Variants in GRM7 observed in about 807,000 individuals in gnomAD.
GRM7 encodes the protein glutamate metabotropic receptor 7, also known as metabotropic glutamate receptor 7.
In GRM7, 35 loss-of-function variants were observed where a neutral mutation model predicts 84.5. The observed-to-expected ratio is 0.41, with a 90% CI of 0.32 to 0.55. GRM7 has a LOEUF of 0.55. GRM7 is among the 20% of genes least tolerant of loss of function. The pLI is 0.19. For missense variants in GRM7, 1,003 were observed against 1,194.6 expected, an observed-to-expected ratio of 0.84 and a Z score of 2.36; for synonymous variants, 487 against 455.1, an observed-to-expected ratio of 1.07 and a Z score of -0.89.
intron 1 of GRM7, among the ~76,000 whole-genome samples, chr3:7,140,813 G>C (rs993093657): frequency 6.6e-6 from 1 of 151,930 alleles, no homozygotes; most frequent in African/African-American, 2.4e-5. Context: ...GTGGTAGATG[G>C]TGACACAGAG....
chr3:7,245,660 C>G (rs576985382), intron 2 of GRM7, among the ~76,000 whole-genome samples: 40 of 151,944 alleles, frequency 2.6e-4, no homozygotes, highest in African/African-American at 8.4e-4. Flanking sequence ...AACAAGCCTA[C>G]ACTAAAAAAT....
At chr3:7,457,884 T>A (rs1266833034) in intron 6 of GRM7, among the ~76,000 whole-genome samples, 1 of 152,136 alleles carries the variant, frequency 6.6e-6, no homozygotes, top group Non-Finnish European at 1.5e-5. Context: ...GAGCCTCGAA[T>A]TGCCCCAGCT....
At chr3:7,568,204 G>A (rs1372057269) in intron 7 of GRM7, among the ~76,000 whole-genome samples, 1 of 151,932 alleles carries the variant, frequency 6.6e-6, no homozygotes, top group East Asian at 1.9e-4. Context: ...GCAGGCCCCA[G>A]AAGGGTCCTT....
chr3:6,927,463 GAGAAAGAAAGAAAGAAAGAAAGAAAGAA>G (rs796767040), intron 1 of GRM7, among the ~76,000 whole-genome samples: 2 of 93,300 alleles, frequency 2.1e-5, no homozygotes, highest in South Asian at 3.5e-4. Context: ...GAAAGAGAGA[GAGAAAGAAAGAAAGAAAGAAAGAAAGAA>G]AGAAAGAAAG....
intron 2 of GRM7, among the ~76,000 whole-genome samples, chr3:7,169,637 C>T (rs1694918413): frequency 6.6e-6 from 1 of 152,194 alleles, no homozygotes; most frequent in African/African-American, 2.4e-5. Context: ...CTTACATATG[C>T]TCCTTGGGGA....
Position 6,928,656 on chromosome 3 carries a change from G to A in GRM7, c.519+66749G>A, listed in dbSNP as rs1697393538. 6.6e-6 allele frequency among the ~76,000 whole-genome samples: 1 copy of A among 152,152 alleles called. No individual in the cohort carries two copies. Among genetic ancestry groups the A allele is most frequent in the Non-Finnish European group, 1.5e-5 (1 of 68,030 alleles). ...ATTTTGCCAGGCAAACAACTTGATA[G>A]AATCAATAGAAGCTTAGTTAAGCAG... On this transcript the variant is annotated intron_variant, in intron 1 of 9. Coordinates refer to ENST00000357716, the MANE Select transcript of GRM7 (RefSeq NM_000844.4). This position sits in a 1 kb window ranked among gnomAD's most constrained non-coding sequence, Gnocchi z 4.5.
At position 7,663,271 on chromosome 3, in the gene GRM7, G is replaced by A. The variant is rs540215876; in HGVS notation, c.2452-16778G>A. The stretch of plus-strand genomic sequence containing the variant: ...ACTGGTCTCAGCTGGCATCGCTCAG[G>A]GAGCTCAGAAGCTGCCTTATGGAGC... On this transcript the variant is annotated intron_variant, in intron 8 of 9. Coordinates refer to ENST00000357716, the MANE Select transcript of GRM7 (RefSeq NM_000844.4). Among the ~76,000 whole-genome samples the A allele has an allele frequency of 2.6e-5, 4 of 152,282 alleles. No individual in the cohort carries two copies. In the South Asian group the frequency reaches 8.3e-4, roughly 32 times the overall value.
At chr3:7,623,762 A>G (rs960012619) in intron 8 of GRM7, among the ~76,000 whole-genome samples, 8 of 152,190 alleles carry the variant, frequency 5.3e-5, no homozygotes, top group African/African-American at 1.7e-4. Context: ...TAGTGAAACT[A>G]TTACACACAG....
At chr3:7,266,673 G>T (rs546408844) in intron 2 of GRM7, among the ~76,000 whole-genome samples, 103 of 152,082 alleles carry the variant, frequency 6.8e-4, no homozygotes, top group African/African-American at 2.3e-3. Context: ...CACAATTTTT[G>T]ATATAAATTT....
intron 1 of GRM7, among the ~76,000 whole-genome samples, chr3:7,003,594 C>G (rs1183090726): frequency 1.3e-5 from 2 of 152,116 alleles, no homozygotes; most frequent in African/African-American, 4.8e-5. Flanking sequence ...AAATGAGTCA[C>G]TAAGCTAGTG....
chr3:6,939,081 C>T (rs1172147862), intron 1 of GRM7, among the ~76,000 whole-genome samples: 1 of 152,132 alleles, frequency 6.6e-6, no homozygotes, highest in Non-Finnish European at 1.5e-5. Flanking sequence ...ACAAGTTATA[C>T]AGGATAGCAA....
At chr3:7,429,705 A>G (rs1439483454) in intron 5 of GRM7, among the ~76,000 whole-genome samples, 1 of 152,200 alleles carries the variant, frequency 6.6e-6, no homozygotes, top group Non-Finnish European at 1.5e-5. Context: ...AGCATCTGGC[A>G]GCACTGGAAT....
intron 5 of GRM7, among the ~76,000 whole-genome samples, chr3:7,419,381 T>A (rs1450801718): frequency 6.6e-6 from 1 of 152,138 alleles, no homozygotes; most frequent in Admixed American, 6.6e-5. Context: ...CTGTGCATTA[T>A]AGAGAGCATC....
chr3:7,216,445 A>G (rs1696613938), intron 2 of GRM7, among the ~76,000 whole-genome samples: 2 of 152,198 alleles, frequency 1.3e-5, no homozygotes, highest in African/African-American at 4.8e-5. Flanking sequence ...CATTTCCTCA[A>G]AATAAAGTAG....
At chr3:7,240,762 C>T (rs1330728619) in intron 2 of GRM7, among the ~76,000 whole-genome samples, 1 of 152,100 alleles carries the variant, frequency 6.6e-6, no homozygotes, top group Non-Finnish European at 1.5e-5. Context: ...ATAAGTAAGC[C>T]CAAATGTAGA....
At chr3:7,118,848 C>T (rs17824884) in intron 1 of GRM7, among the ~76,000 whole-genome samples, 28,176 of 151,994 alleles carry the variant, frequency 0.19, 3,341 homozygotes, top group Non-Finnish European at 0.26. Context: ...ACAAGAACAT[C>T]GATATCCTCA....
intron 2 of GRM7, among the ~76,000 whole-genome samples, chr3:7,295,139 A>G (rs1004451575): frequency 7.9e-5 from 12 of 152,182 alleles, no homozygotes; most frequent in African/African-American, 2.7e-4. Context: ...CTAGCTTTAT[A>G]TTTTACACTT....
At chr3:7,523,599 C>T (rs965597) in intron 7 of GRM7, among the ~76,000 whole-genome samples, 93,373 of 151,906 alleles carry the variant, frequency 0.61, 29,734 homozygotes, top group African/African-American at 0.79. Flanking sequence ...TTGAGGGAAA[C>T]GAGCAAATCT....
chr3:7,390,178 G>GC (rs1694936189), intron 4 of GRM7, among the ~76,000 whole-genome samples: 1 of 151,980 alleles, frequency 6.6e-6, no homozygotes, highest in African/African-American at 2.4e-5. Flanking sequence ...CTAAAAATGC[G>GC]CCCCCAATCT....
Sources: gnomAD v4.1 joint callset for allele counts (sites outside exome capture counted in the v4.1 genomes callset) on GRCh38, gnomAD v4.1.1 for gene constraint, Gnocchi (gnomAD v3.1) non-coding constraint, MANE v1.5 for transcripts, NCBI Gene and HGNC (gene_info 2026-07-23, HGNC 2026-07-21) for gene names.